Variants in MYO3A observed in about 807,000 individuals in gnomAD.
The protein encoded by MYO3A is myosin-IIIa.
Under a neutral mutation model 192.7 loss-of-function variants are expected in MYO3A, and 180 were observed. The observed-to-expected ratio is 0.93, with a 90% confidence interval of 0.83 to 1.06. The LOEUF is 1.06. MYO3A is among the 50% of genes least tolerant of loss of function. MYO3A has a pLI of 0.00. For missense variants in MYO3A, 1,896 were observed against 1,905.0 expected (o/e 1.00, Z 0.09); for synonymous variants, 628 against 645.3 (o/e 0.97, Z 0.41).
Position 26,174,408 on chromosome 10 carries a change from A to G in MYO3A, c.4144A>G (p.Thr1382Ala), listed in dbSNP as rs779234443. ...TTTTAAGCATCAGAGGATTGTCACA[A>G]CACCAACAGAAGTAGCAAGAAACAC... is the stretch of plus-strand genomic sequence containing the variant. ...SSFKHQRIVT[T>A]PTEVARNTHN... is the part of the protein sequence containing the mutation. The change falls in exon 30 of 35, where the codon ACA (threonine) becomes GCA (alanine). Residue 1382 changes from threonine (T) to alanine (A), a missense_variant. Thr to Ala is a moderately conservative substitution (Grantham distance 58, BLOSUM62 0). Coordinates refer to ENST00000642920, the MANE Select transcript of MYO3A (RefSeq NM_017433.5). 2 of 1,614,252 alleles carry G rather than the reference A, an allele frequency of 1.2e-6. No individual in the cohort carries two copies. Among genetic ancestry groups the G allele is most frequent in the Non-Finnish European group, 1.7e-6 (2 of 1,180,042 alleles).
At chr10:26,120,843 A>T (rs1165327285) in intron 18 of MYO3A, 41 bp downstream of exon 18, 3 of 1,609,192 alleles carry the variant, frequency 1.9e-6, no homozygotes, top group Admixed American at 3.3e-5. Context: ...AAATCTTTCA[A>T]ATCTTATGAC....
chr10:26,048,907 G>A (rs552863045), intron 10 of MYO3A, among the ~76,000 whole-genome samples: 1 of 152,256 alleles, frequency 6.6e-6, no homozygotes, highest in South Asian at 2.1e-4. Flanking sequence ...AGTGAAAGAG[G>A]CCCAGGACAG....
intron 6 of MYO3A, 147 bp from the exon 7 acceptor site, chr10:26,016,673 T>G: frequency 1.3e-6 from 1 of 767,074 alleles, no homozygotes; most frequent in Non-Finnish European, 2.2e-6. Flanking sequence ...GAAATCCTGA[T>G]TTAGGATCCT....
intron 4 of MYO3A, among the ~76,000 whole-genome samples, chr10:25,970,237 A>G (rs1043198755): frequency 1.3e-5 from 2 of 152,034 alleles, no homozygotes; most frequent in African/African-American, 4.8e-5. Flanking sequence ...TCAAAATCAT[A>G]AAAGAATATT....
intron 4 of MYO3A, among the ~76,000 whole-genome samples, chr10:25,966,873 G>C (rs922596947): frequency 2.6e-5 from 4 of 152,132 alleles, no homozygotes; most frequent in Non-Finnish European, 4.4e-5. Flanking sequence ...GAGAAAGCTA[G>C]ACAAAACATA....
intron 4 of MYO3A, among the ~76,000 whole-genome samples, chr10:25,976,816 AT>A (rs1838991397): frequency 6.6e-6 from 1 of 152,130 alleles, no homozygotes; most frequent in African/African-American, 2.4e-5. Context: ...CTTTTAGTCT[AT>A]CTTGGTGATT....
At chr10:25,937,385 G>T (rs938509988) in intron 2 of MYO3A, among the ~76,000 whole-genome samples, 1 of 151,212 alleles carries the variant, frequency 6.6e-6, no homozygotes, top group African/African-American at 2.5e-5. Context: ...TAACTTGAAC[G>T]GTTAATTATA....
chr10:26,202,763 C>T, intron 33 of MYO3A: 1 of 543,936 alleles, frequency 1.8e-6, no homozygotes, highest in Non-Finnish European at 3.2e-6. Flanking sequence ...ATGTTCTGTT[C>T]AAGGTAAGAT....
chr10:26,094,651 C>A (rs998380671), intron 15 of MYO3A, among the ~76,000 whole-genome samples: 1 of 152,078 alleles, frequency 6.6e-6, no homozygotes, highest in Admixed American at 6.5e-5. Context: ...GTCTCGATCT[C>A]CTGACCTTGT....
In MYO3A at chr10:26,002,661, G is replaced by A. The variant is rs547465657; in HGVS notation, c.508+5403G>A. ...TGAGTCAGGGTGGACCAGGTAATCG[G>A]AATGAGTCAGGGTGGAGCAGGTGAT... On this transcript the variant is annotated intron_variant, in intron 6 of 34. Transcript: ENST00000642920. 1.3e-5 allele frequency among the ~76,000 whole-genome samples: 2 copies of A among 152,012 alleles called. 1 individual carries two copies. Among genetic ancestry groups the A allele is most frequent in the East Asian group, 3.9e-4 (2 of 5,180 alleles).
At chr10:26,117,483 C>CCA (rs1402349213) in intron 17 of MYO3A, among the ~76,000 whole-genome samples, 2 of 152,130 alleles carry the variant, frequency 1.3e-5, no homozygotes, top group Non-Finnish European at 2.9e-5. Flanking sequence ...CTACCCTGTG[C>CCA]CACACCTCCT....
intron 10 of MYO3A, among the ~76,000 whole-genome samples, chr10:26,044,799 A>AAG (rs112352597): frequency 0.16 from 24,741 of 152,192 alleles, 2,302 homozygotes; most frequent in Non-Finnish European, 0.21. Context: ...AAAGAACTGA[A>AAG]AGCTGTTTCA....
At chr10:26,149,611 CTT>C (rs35229987) in intron 23 of MYO3A, among the ~76,000 whole-genome samples, 9 of 151,356 alleles carry the variant, frequency 5.9e-5, no homozygotes, top group East Asian at 3.9e-4. Flanking sequence ...ATAGATTACC[CTT>C]TTTTTTTGTT....
At chr10:26,164,291 G>A (rs534146418) in intron 26 of MYO3A, among the ~76,000 whole-genome samples, 1 of 152,300 alleles carries the variant, frequency 6.6e-6, no homozygotes, top group South Asian at 2.1e-4. Flanking sequence ...TTTTGTAAAT[G>A]GAGGGAGCCA....
intron 6 of MYO3A, among the ~76,000 whole-genome samples, chr10:26,007,306 CT>C (rs1343320428): frequency 6.6e-6 from 1 of 150,780 alleles, no homozygotes; most frequent in Non-Finnish European, 1.5e-5. Context: ...GAAGCATTCC[CT>C]TTGAAAACCG....
At chr10:26,115,690 A>C (rs564427652) in intron 17 of MYO3A, among the ~76,000 whole-genome samples, 3 of 152,340 alleles carry the variant, frequency 2.0e-5, no homozygotes, top group Admixed American at 6.5e-5. Context: ...TTATATAAAA[A>C]TTTAGTACAT....
At chr10:26,101,154 C>T (rs547640364) in intron 17 of MYO3A, among the ~76,000 whole-genome samples, 1 of 152,266 alleles carries the variant, frequency 6.6e-6, no homozygotes, top group Non-Finnish European at 1.5e-5. Context: ...TATGTAATGG[C>T]CTTCTTTGTC....
At chr10:26,133,200 A>G (rs1030816570) in intron 20 of MYO3A, among the ~76,000 whole-genome samples, 3 of 152,242 alleles carry the variant, frequency 2.0e-5, no homozygotes, top group Admixed American at 6.5e-5. Context: ...TCCAAGTGAT[A>G]AGCATTTCCT....
At chr10:26,046,228 T>C (rs1843631238) in intron 10 of MYO3A, among the ~76,000 whole-genome samples, 1 of 152,132 alleles carries the variant, frequency 6.6e-6, no homozygotes, top group African/African-American at 2.4e-5. Context: ...AACTGAGCCG[T>C]CAACCTGTGT....
Sources: gnomAD v4.1 joint callset for allele counts (sites outside exome capture counted in the v4.1 genomes callset) on GRCh38, gnomAD v4.1.1 for gene constraint, MANE v1.5 for transcripts, NCBI Gene and HGNC (gene_info 2026-07-23, HGNC 2026-07-21) for gene names.